The following REV3L variants were observed in gnomAD, a reference collection of about 807,000 sequenced individuals.
The protein encoded by REV3L is DNA polymerase zeta catalytic subunit.
A neutral mutation model predicts 299.4 loss-of-function variants in REV3L; 69 were observed. The observed-to-expected ratio is 0.23, with a 90% CI of 0.19 to 0.28. The LOEUF (loss-of-function observed/expected upper bound fraction) is 0.28. REV3L is among the 10% of genes least tolerant of loss of function. The pLI, the probability that REV3L is intolerant of heterozygous loss-of-function variation, is 1.00. For missense variants in REV3L, 3,128 were observed against 3,693.8 expected, an observed-to-expected ratio of 0.85 and a Z score of 3.97; for synonymous variants, 1,238 against 1,271.4, an observed-to-expected ratio of 0.97 and a Z score of 0.56.
intron 26 of REV3L, among the ~76,000 whole-genome samples, chr6:111,320,717 G>C (rs1490935644): frequency 6.6e-6 from 1 of 152,126 alleles, no homozygotes; most frequent in Non-Finnish European, 1.5e-5. Flanking sequence ...GCATGATCAT[G>C]GTTGACTACA....
At chr6:111,437,413 G>C (rs1157564370) in intron 1 of REV3L, among the ~76,000 whole-genome samples, 1 of 151,326 alleles carries the variant, frequency 6.6e-6, no homozygotes, top group African/African-American at 2.4e-5. Flanking sequence ...GCCATAAAAA[G>C]GAATGAAGTG....
At chr6:111,464,696 T>C (rs1419492218) in intron 1 of REV3L, among the ~76,000 whole-genome samples, 1 of 152,172 alleles carries the variant, frequency 6.6e-6, no homozygotes, top group Non-Finnish European at 1.5e-5. Context: ...TTCTGTTATC[T>C]ATGTTTTCCA....
At chr6:111,332,519 A>G (rs1010003250) in intron 23 of REV3L, among the ~76,000 whole-genome samples, 2 of 152,230 alleles carry the variant, frequency 1.3e-5, no homozygotes, top group Admixed American at 6.5e-5. Context: ...CAGGATTACC[A>G]ATATAATTTC....
In REV3L at chr6:111,368,032, T is replaced by C. The variant is rs374597812; in HGVS notation, c.5760-4A>G. ...GAGGAGCCGTCCACCAATCTCCCTA[T>C]AATAACATATTTTAGAACAACTGTT... On this transcript the variant is annotated splice_region_variant and splice_polypyrimidine_tract_variant and intron_variant, in intron 13 of 31. Coordinates refer to ENST00000368802, the MANE Select transcript of REV3L (RefSeq NM_001372078.1). 4.4e-6 allele frequency: 7 copies of C among 1,573,304 alleles called. No individual in the cohort carries two copies. Among genetic ancestry groups the C allele is most frequent in the South Asian group, 1.2e-5 (1 of 83,716 alleles).
Position 111,383,297 on chromosome 6 carries a change from A to G in REV3L, c.1097-1853T>C, listed in dbSNP as rs370920747. ...TAGAGTAATCAGACAAAAGAAAGGA[A>G]TAAATAAAGTGCATCCAAATTGGAA... On this transcript the variant is annotated intron_variant, in intron 9 of 31. Coordinates refer to ENST00000368802, the MANE Select transcript of REV3L (RefSeq NM_001372078.1). Among the ~76,000 whole-genome samples the G allele has an allele frequency of 5.3e-5, 8 of 152,362 alleles. No individual in the cohort carries two copies. The South Asian group carries it at 1.0e-3, about 20-fold the overall frequency.
At chr6:111,302,890 G>A (rs967391921) in intron 31 of REV3L, among the ~76,000 whole-genome samples, 4 of 152,258 alleles carry the variant, frequency 2.6e-5, no homozygotes, top group African/African-American at 9.6e-5. Context: ...GCAACAGTGA[G>A]ACTCCGTCTC....
chr6:111,372,649 A>G lies in REV3L; in HGVS notation c.5706T>C (p.Thr1902=), dbSNP rs1779914389. Residue 1902 remains threonine, a synonymous_variant, in exon 13 of 32, where the codon ACT becomes ACC. Coordinates refer to ENST00000368802, the MANE Select transcript of REV3L (RefSeq NM_001372078.1). ...TACTGCAAAATGGTTCCTGGTAAAT[A>G]GTCTCAGACAGGTCATGATCCAACA... ...ATLLDHDLSE[T]IYQEPFCSNP... 1 of 1,521,758 alleles carries G rather than the reference A, an allele frequency of 6.6e-7. No homozygotes were observed. Among genetic ancestry groups the G allele is most frequent in the African/African-American group, 1.4e-5 (1 of 71,864 alleles). The allele number at this position is 1,521,758 out of a possible 1,614,324, so 94.3% of individuals were successfully genotyped here.
chr6:111,431,861 A>G, intron 1 of REV3L: 1 of 454,722 alleles, frequency 2.2e-6, no homozygotes, highest in Middle Eastern at 6.2e-4. Flanking sequence ...GAATATGTTA[A>G]ATATTTGTAA....
intron 26 of REV3L, among the ~76,000 whole-genome samples, chr6:111,318,984 C>T (rs1004948868): frequency 1.3e-5 from 2 of 152,072 alleles, no homozygotes; most frequent in African/African-American, 4.8e-5. Flanking sequence ...GCGAGGGATT[C>T]ACTGTAAAGG....
chr6:111,483,316 A>C, upstream of REV3L: 5 of 420,420 alleles, frequency 1.2e-5, no homozygotes, highest in Non-Finnish European at 1.7e-5. Flanking sequence ...AAGGAGCGAG[A>C]GGGCGGGCGC....
At chr6:111,380,271 T>C (rs75814634) in intron 10 of REV3L, 52 bp from the exon 11 acceptor site, 2 of 1,282,280 alleles carry the variant, frequency 1.6e-6, no homozygotes, top group Admixed American at 3.8e-5. Context: ...TTTTTTTTTT[T>C]GACACGGAGT....
chr6:111,319,089 T>G (rs1418121296), intron 26 of REV3L, among the ~76,000 whole-genome samples: 1 of 151,854 alleles, frequency 6.6e-6, no homozygotes, highest in Non-Finnish European at 1.5e-5. Flanking sequence ...TAATATTTTA[T>G]TACATACTAT....
In REV3L at chr6:111,310,070, T is replaced by C; in HGVS notation, c.8825A>G (p.Glu2942Gly). ...RKMLTYDRRS[E>G]PQVGERVPYV... ...TGGCACTCGCTCCCCAACCTGAGGCTCAGAGCGCCGGTCATAAGTCAGCAT... is the reference window on the plus strand; with the variant it reads ...TGGCACTCGCTCCCCAACCTGAGGCCCAGAGCGCCGGTCATAAGTCAGCAT... The change falls in exon 30 of 32, where the codon GAG becomes GGG. Residue 2942 changes from glutamate to glycine, a missense_variant. Physicochemically the swap from Glu to Gly is moderately conservative, Grantham distance 98. Transcript: ENST00000368802. The C allele has an allele frequency of 6.3e-7, 1 of 1,588,642 alleles. No homozygotes were observed. Among genetic ancestry groups the C allele is most frequent in the South Asian group, 1.1e-5 (1 of 87,236 alleles).
chr6:111,469,463 G>C (rs1202978530), intron 1 of REV3L, among the ~76,000 whole-genome samples: 2 of 152,190 alleles, frequency 1.3e-5, no homozygotes, highest in African/African-American at 2.4e-5. Context: ...GAGTTAGCCA[G>C]CAACAGTTGG....
chr6:111,376,194 A>T lies in REV3L; in HGVS notation c.2161T>A (p.Ser721Thr), dbSNP rs770283842. 1 of 1,612,902 alleles carries T rather than the reference A, an allele frequency of 6.2e-7. No individual in the cohort carries two copies. The highest frequency in any genetic ancestry group is 8.5e-7 in the Non-Finnish European group (1 of 1,179,862). ...DLNHSKNKVS[S>T]EGNEKGNSTA... ...CTGTTTCCTTTTTCATTTCCTTCAGAGGATACTTTATTTTTTGAATGATTT... is the reference window on the plus strand; with the variant it reads ...CTGTTTCCTTTTTCATTTCCTTCAGTGGATACTTTATTTTTTGAATGATTT... Residue 721 changes from serine (S) to threonine (T), a missense_variant, in exon 13 of 32, where the codon TCT becomes ACT. By Grantham distance (58) the Ser-to-Thr change is moderately conservative. Around this residue, in one of 9 missense-constraint regions of REV3L, gnomAD observed 2,409 missense variants for 2,611.8 expected, o/e 0.92. Transcript: ENST00000368802.
chr6:111,405,341 CT>C (rs1269286704), intron 4 of REV3L, 128 bp downstream of exon 4: 1 of 624,034 alleles, frequency 1.6e-6, no homozygotes, highest in African/African-American at 1.9e-5. Context: ...GCATGTATTT[CT>C]TTTCATTCTT....
intron 4 of REV3L, among the ~76,000 whole-genome samples, chr6:111,397,063 C>T (rs1303849592): frequency 6.6e-6 from 1 of 150,738 alleles, no homozygotes; most frequent in Admixed American, 6.6e-5. Flanking sequence ...TTCAAAGCAC[C>T]AGTTTTTCAT....
At position 111,463,380 on chromosome 6, in the gene REV3L, A is replaced by T. The variant is rs548654915; in HGVS notation, c.139+19370T>A. ...AATGTTACAACAAATAAAGAGATTC[A>T]ATTTAGAATGGCACTAAGCTAAACA... On this transcript the variant is annotated intron_variant, in intron 1 of 31. Transcript: ENST00000368802. 5.9e-4 allele frequency among the ~76,000 whole-genome samples: 90 copies of T among 152,318 alleles called. 2 individuals are homozygous for T. Among genetic ancestry groups the T allele is most frequent in the South Asian group, 2.1e-4 (1 of 4,832 alleles).
rs750361620 is a variant in REV3L, at chr6:111,389,082, A to G, written c.862+24T>C. The G allele has an allele frequency of 2.0e-6, 3 of 1,511,586 alleles. No individual in the cohort carries two copies. The South Asian group carries it at 3.5e-5, about 17-fold the overall frequency. The allele number at this position is 1,511,586 out of a possible 1,614,324, so 93.6% of individuals were successfully genotyped here. A position where few individuals can be genotyped will look rare whatever the true frequency, so the allele number is the denominator to read the frequency against. On this transcript the variant is annotated intron_variant, in intron 7 of 31. Transcript: ENST00000368802. The stretch of plus-strand genomic sequence containing the variant: ...TTAAAATACTTGATTTAAAAGAATA[A>G]TCAGAGCACTATTAGGTTTATACCT...
Sources: gnomAD v4.1 joint callset for allele counts (sites outside exome capture counted in the v4.1 genomes callset) on GRCh38, gnomAD v4.1.1 for gene constraint, gnomAD v4.1.1 regional missense constraint, MANE v1.5 for transcripts, NCBI Gene and HGNC (gene_info 2026-07-23, HGNC 2026-07-21) for gene names.